Variants in ITPR1 observed in about 807,000 individuals in gnomAD.
ITPR1 encodes the protein inositol 1,4,5-trisphosphate-gated calcium channel ITPR1.
ITPR1 carries 96 observed loss-of-function variants against 318.4 expected under a neutral mutation model. That is an observed-to-expected ratio of 0.30 (90% CI 0.26 to 0.36). The LOEUF is 0.36. Ranked by LOEUF, ITPR1 falls within the 10% of genes least tolerant of loss-of-function variation. The probability of loss-of-function intolerance (pLI) is 1.00; values close to 1 mark genes in which losing one functional copy is unlikely to be tolerated. For missense variants in ITPR1, 2,440 were observed against 3,460.2 expected, an observed-to-expected ratio of 0.71 and a Z score of 7.40; for synonymous variants, 1,312 against 1,289.9, an observed-to-expected ratio of 1.02 and a Z score of -0.37.
intron 6 of ITPR1, among the ~76,000 whole-genome samples, 195 bp from the exon 7 acceptor site, chr3:4,641,898 C>A (rs2093347572): frequency 6.6e-6 from 1 of 152,212 alleles, no homozygotes; most frequent in African/African-American, 2.4e-5. Flanking sequence ...TTGTATTCTG[C>A]CCTCTCTTTC....
chr3:4,528,323 C>G (rs372370267), intron 4 of ITPR1, among the ~76,000 whole-genome samples: 12 of 152,302 alleles, frequency 7.9e-5, no homozygotes, highest in African/African-American at 2.9e-4. Context: ...TTACAGGTCT[C>G]TTTGTCAAGA....
rs1449767550 is a variant in ITPR1 at position 4,693,361 on chromosome 3, A to G, written c.4030-129A>G. 8.6e-6 allele frequency: 9 copies of G among 1,045,600 alleles called. No individual in the cohort carries two copies. In the African/African-American group the frequency reaches 1.4e-4, roughly 17 times the overall value. The allele number at this position is 1,045,600 out of a possible 1,614,324, so 64.8% of individuals were successfully genotyped here. ...TTCAGTTATATAAATGAATGAAGTC[A>G]AAATAGGTAAGACTGATTTGGGAAG... On this transcript the variant is annotated intron_variant, in intron 32 of 61. Coordinates refer to ENST00000649015, the MANE Select transcript of ITPR1 (RefSeq NM_001378452.1).
intron 4 of ITPR1, among the ~76,000 whole-genome samples, chr3:4,591,341 C>T (rs1312269584): frequency 3.9e-5 from 6 of 152,320 alleles, no homozygotes; most frequent in Admixed American, 3.3e-4. Flanking sequence ...TACACTCCCA[C>T]CAACAGTGTG....
At chr3:4,616,081 G>A (rs1404109292) in intron 4 of ITPR1, among the ~76,000 whole-genome samples, 1 of 152,226 alleles carries the variant, frequency 6.6e-6, no homozygotes, top group Non-Finnish European at 1.5e-5. Flanking sequence ...AATGTGATTA[G>A]CATGCAGCAG....
At chr3:4,787,759 A>G (rs1011026507) in intron 51 of ITPR1, among the ~76,000 whole-genome samples, 188 bp from the exon 52 acceptor site, 1 of 152,132 alleles carries the variant, frequency 6.6e-6, no homozygotes, top group African/African-American at 2.4e-5. Context: ...GAAGTTAGGA[A>G]AATACTCTTC....
chr3:4,605,425 G>A (rs1319266117), intron 4 of ITPR1, among the ~76,000 whole-genome samples: 4 of 152,142 alleles, frequency 2.6e-5, no homozygotes, highest in Non-Finnish European at 5.9e-5. Context: ...TGACAAAATG[G>A]GAATGTGAAC....
intron 4 of ITPR1, among the ~76,000 whole-genome samples, chr3:4,522,040 G>A (rs2082610605): frequency 6.6e-6 from 1 of 152,116 alleles, no homozygotes; most frequent in South Asian, 2.1e-4. Context: ...ATAAACATTT[G>A]TTTTTCTTTT....
At chr3:4,616,357 A>G (rs563832480) in intron 4 of ITPR1, among the ~76,000 whole-genome samples, 1 of 149,182 alleles carries the variant, frequency 6.7e-6, no homozygotes, top group African/African-American at 2.4e-5. Flanking sequence ...GGATTATTTT[A>G]TATTCCCCTC....
intron 44 of ITPR1, among the ~76,000 whole-genome samples, chr3:4,748,106 C>T (rs1223831721): frequency 6.6e-6 from 1 of 152,180 alleles, no homozygotes; most frequent in Non-Finnish European, 1.5e-5. Flanking sequence ...GGAATAGTCC[C>T]AATTGCAGAT....
intron 44 of ITPR1, among the ~76,000 whole-genome samples, chr3:4,755,678 T>C (rs888288810): frequency 9.2e-5 from 14 of 152,302 alleles, no homozygotes; most frequent in African/African-American, 2.4e-4. Flanking sequence ...AGTGACCAGA[T>C]TAATAAGAGT....
chr3:4,801,491 C>T (rs200872992), intron 54 of ITPR1, among the ~76,000 whole-genome samples: 12 of 152,048 alleles, frequency 7.9e-5, no homozygotes, highest in African/African-American at 1.9e-4. Flanking sequence ...GGGCCAGGCT[C>T]GGTGGCTCAC....
chr3:4,572,910 G>A lies in ITPR1; in HGVS notation c.163+51816G>A, dbSNP rs185057945. Among the ~76,000 whole-genome samples the A allele has an allele frequency of 2.4e-3, 368 of 152,292 alleles. 3 individuals are homozygous for A. The highest frequency in any genetic ancestry group is 3.2e-3 in the Non-Finnish European group (217 of 68,030). ...TAATAGTTGATCAGTGTTGTAGCAT[G>A]TAACATGATTTCCTTCATTTTTAAG... On this transcript the variant is annotated intron_variant, in intron 4 of 61. Coordinates refer to ENST00000649015, the MANE Select transcript of ITPR1 (RefSeq NM_001378452.1).
intron 34 of ITPR1, among the ~76,000 whole-genome samples, chr3:4,697,716 T>G (rs1439750028): frequency 2.6e-5 from 4 of 152,044 alleles, no homozygotes; most frequent in African/African-American, 4.8e-5. Context: ...CCTCCCAAAG[T>G]GCTAGGATTA....
Position 4,669,750 on chromosome 3 carries a change from C to T in ITPR1, c.1983C>T (p.Asn661=), listed in dbSNP as rs369495242. ...LICKAVLNPT[N]ADILIETKLV... ...GTAAAGCTGTGCTGAACCCCACCAACGCTGACATCCTGATTGAGACCAAGT... is the reference window on the plus strand; with the variant it reads ...GTAAAGCTGTGCTGAACCCCACCAATGCTGACATCCTGATTGAGACCAAGT... The change falls in exon 19 of 62, where the codon AAC becomes AAT. Residue 661 remains asparagine (N), a synonymous_variant. Transcript: ENST00000649015. 9.7e-5 allele frequency: 157 copies of T among 1,612,432 alleles called. No homozygotes were observed. The highest frequency in any genetic ancestry group is 2.1e-4 in the African/African-American group (16 of 74,994).
chr3:4,570,209 T>C (rs549745940), intron 4 of ITPR1, among the ~76,000 whole-genome samples: 15 of 152,364 alleles, frequency 9.8e-5, no homozygotes, highest in African/African-American at 3.6e-4. Context: ...CCGAGCCTCA[T>C]GATATTATCA....
At chr3:4,610,721 G>A (rs1454945361) in intron 4 of ITPR1, among the ~76,000 whole-genome samples, 1 of 152,150 alleles carries the variant, frequency 6.6e-6, no homozygotes, top group African/African-American at 2.4e-5. Context: ...CTAACTTAGG[G>A]CAGGGCATTC....
intron 39 of ITPR1, among the ~76,000 whole-genome samples, chr3:4,714,260 A>G (rs904959094): frequency 6.6e-6 from 1 of 152,330 alleles, no homozygotes; most frequent in Admixed American, 6.5e-5. Flanking sequence ...TTGAGTCAAT[A>G]TAATAAATGA....
chr3:4,704,971 A>G (rs1007210799), intron 36 of ITPR1, among the ~76,000 whole-genome samples: 2 of 151,856 alleles, frequency 1.3e-5, no homozygotes, highest in Non-Finnish European at 2.9e-5. Flanking sequence ...CCCACTTTCT[A>G]TATTAGACTG....
At chr3:4,497,715 C>G (rs910571189) in intron 2 of ITPR1, among the ~76,000 whole-genome samples, 1 of 152,142 alleles carries the variant, frequency 6.6e-6, no homozygotes, top group African/African-American at 2.4e-5. Context: ...AAGGTATATA[C>G]TTTAAAAAAT....
Sources: gnomAD v4.1 joint callset for allele counts (sites outside exome capture counted in the v4.1 genomes callset) on GRCh38, gnomAD v4.1.1 for gene constraint, MANE v1.5 for transcripts, NCBI Gene and HGNC (gene_info 2026-07-23, HGNC 2026-07-21) for gene names.